LNX2: variants seen among roughly 807,000 people sequenced by gnomAD.
The protein encoded by LNX2 is ligand of numb-protein X 2, also known as ligand of Numb protein X 2.
Under a neutral mutation model 66.2 loss-of-function variants are expected in LNX2, and 35 were observed. The observed-to-expected ratio is 0.53, with a 90% CI of 0.40 to 0.70. LNX2 has a LOEUF of 0.70. Among genes scored for constraint, LNX2 ranks in the 30% least tolerant of loss-of-function variants. The pLI is 0.00. For synonymous variants in LNX2, 337 were observed against 315.6 expected (o/e 1.07, Z -0.72); for missense variants, 791 against 850.8 (o/e 0.93, Z 0.87).
intron 1 of LNX2, among the ~76,000 whole-genome samples, chr13:27,616,275 T>C (rs1267810271): frequency 3.3e-5 from 5 of 152,088 alleles, no homozygotes; most frequent in African/African-American, 1.2e-4. Flanking sequence ...TCTAAAGCCC[T>C]GGGATCAACA....
chr13:27,549,690 C>T (rs2138306307), intron 9 of LNX2, among the ~76,000 whole-genome samples: 1 of 152,332 alleles, frequency 6.6e-6, no homozygotes, highest in Admixed American at 6.5e-5. Context: ...CAGCACTTAG[C>T]ACCGCGCCAG....
chr13:27,559,811 T>C (rs769352897), intron 6 of LNX2, 31 bp downstream of exon 6: 10 of 1,492,436 alleles, frequency 6.7e-6, no homozygotes, highest in African/African-American at 4.3e-5. Flanking sequence ...GATCCTTTGA[T>C]GGTGGCATAA....
At chr13:27,552,109 C>T (rs1955014900) in intron 8 of LNX2, among the ~76,000 whole-genome samples, 1 of 152,176 alleles carries the variant, frequency 6.6e-6, no homozygotes, top group Admixed American at 6.5e-5. Context: ...CATCTAAAAT[C>T]TTTGCTATTA....
chr13:27,556,297 G>A lies in LNX2; in HGVS notation c.1485C>T (p.Pro495=), dbSNP rs1268193949. The A allele has an allele frequency of 6.2e-7, 1 of 1,613,854 alleles. No homozygotes were observed. The highest frequency in any genetic ancestry group is 2.2e-5 in the East Asian group (1 of 44,876). ...GGGGTGGCACACTGGTCACAAAGAT[G>A]GGCAGCTCACCACTCTTACTTCCCC... ...GGRGSKSGEL[P]IFVTSVPPHG... The change falls in exon 7 of 10, where the codon CCC becomes CCT. Residue 495 remains proline (P), a synonymous_variant. Transcript: ENST00000316334.
At chr13:27,609,777 T>G (rs190194484) in intron 1 of LNX2, among the ~76,000 whole-genome samples, 1 of 152,264 alleles carries the variant, frequency 6.6e-6, no homozygotes, top group Non-Finnish European at 1.5e-5. Flanking sequence ...TTTCAAAAAA[T>G]AGGTACTATA....
At chr13:27,573,678 T>G (rs546656698) in intron 2 of LNX2, among the ~76,000 whole-genome samples, 219 of 152,198 alleles carry the variant, frequency 1.4e-3, no homozygotes, top group South Asian at 2.9e-3. Flanking sequence ...GGGAGATTTT[T>G]TTAATCTCAG....
chr13:27,557,281 C>G (rs182904072), intron 6 of LNX2, among the ~76,000 whole-genome samples: 81 of 152,148 alleles, frequency 5.3e-4, no homozygotes, highest in African/African-American at 1.9e-3. Flanking sequence ...CCCCATTTTA[C>G]AGATGATGAA....
At chr13:27,569,827 G>C (rs1955255852) in intron 2 of LNX2, among the ~76,000 whole-genome samples, 1 of 152,102 alleles carries the variant, frequency 6.6e-6, no homozygotes, top group Non-Finnish European at 1.5e-5. Flanking sequence ...TTTATTTTAT[G>C]ATAGACATGG....
At chr13:27,617,028 G>A (rs914283466) in intron 1 of LNX2, among the ~76,000 whole-genome samples, 3 of 152,206 alleles carry the variant, frequency 2.0e-5, no homozygotes, top group African/African-American at 4.8e-5. Flanking sequence ...AATTATAAGC[G>A]TGAGTCACTG....
intron 7 of LNX2, among the ~76,000 whole-genome samples, chr13:27,553,835 C>T (rs1479695745): frequency 6.6e-6 from 1 of 152,124 alleles, no homozygotes; most frequent in African/African-American, 2.4e-5. Context: ...AGAAATAAAT[C>T]TTTAATGTAT....
At chr13:27,557,902 C>T (rs576533055) in intron 6 of LNX2, among the ~76,000 whole-genome samples, 1 of 152,160 alleles carries the variant, frequency 6.6e-6, no homozygotes, top group East Asian at 1.9e-4. Context: ...ATTCTGAAGA[C>T]AACTCAGGTA....
In LNX2 at chr13:27,620,485, T is replaced by TCCGCC. The variant is rs572623841; in HGVS notation, c.-216_-212dup. 6.8e-4 allele frequency: 117 copies of TCCGCC among 171,808 alleles called. 2 individuals are homozygous for TCCGCC. The East Asian group carries it at 0.018, about 27-fold the overall frequency. The allele number at this position is 171,808 out of a possible 1,614,324, so 10.6% of individuals were successfully genotyped here. A position where few individuals can be genotyped will look rare whatever the true frequency, so the allele number is the denominator to read the frequency against. ...GAGCGGAGAGCCTGCCCGGCTCCGC[T>TCCGCC]CCGCCAGGAATCGCCGCCGCCGCCG... On this transcript the variant is annotated 5_prime_UTR_variant, in exon 1 of 10. Transcript: ENST00000316334.
chr13:27,581,681 A>T lies in LNX2; in HGVS notation c.23T>A (p.Met8Lys), dbSNP rs1250386406. The T allele has an allele frequency of 1.9e-6, 3 of 1,607,444 alleles. No individual in the cohort carries two copies. Among genetic ancestry groups the T allele is most frequent in the South Asian group, 2.2e-5 (2 of 90,004 alleles). ...GGAGGAGGTCTGTTCCACAGACACC[A>T]TCTCATCACTTGTTGTTCCCATTTT... MGTTSDE[M>K]VSVEQTSSSS... is the part of the protein sequence containing the mutation. Residue 8 changes from methionine to lysine, a missense_variant, in exon 2 of 10, where the codon ATG becomes AAG. Physicochemically the swap from Met to Lys is moderately conservative, Grantham distance 95. Transcript: ENST00000316334.
At chr13:27,579,859 G>A (rs147077715) in intron 2 of LNX2, among the ~76,000 whole-genome samples, 1 of 152,230 alleles carries the variant, frequency 6.6e-6, no homozygotes, top group East Asian at 1.9e-4. Context: ...TTTCCAGGAG[G>A]CCTCTGCCAT....
At chr13:27,586,787 T>C (rs1955491815) in intron 1 of LNX2, among the ~76,000 whole-genome samples, 1 of 152,200 alleles carries the variant, frequency 6.6e-6, no homozygotes, top group African/African-American at 2.4e-5. Context: ...GTATAATCTA[T>C]TTAACAGTAT....
Position 27,583,233 on chromosome 13 carries a change from TGTGTGTGTGTGTGTGTGTGTGTGC to T in LNX2, c.-100-1454_-100-1431del, listed in dbSNP as rs1566124796. On this transcript the variant is annotated intron_variant, in intron 1 of 9. Coordinates refer to ENST00000316334, the MANE Select transcript of LNX2 (RefSeq NM_153371.4). The stretch of plus-strand genomic sequence containing the variant: ...GTGTGTGTGTGTGTGTGTGTGTGTG[TGTGTGTGTGTGTGTGTGTGTGTGC>T]GCGCGTCCTCTCCAACATACTTATT... Among the ~76,000 whole-genome samples the T allele has an allele frequency of 3.0e-4, 5 of 16,630 alleles. 1 individual carries two copies. The highest frequency in any genetic ancestry group is 1.0e-3 in the African/African-American group (5 of 4,776). The allele number at this position is 16,630 out of a possible 152,430, so 10.9% of individuals were successfully genotyped here. A position where few individuals can be genotyped will look rare whatever the true frequency, so the allele number is the denominator to read the frequency against.
In LNX2 at chr13:27,548,470, C is replaced by T. The variant is rs762961260; in HGVS notation, c.1938G>A (p.Lys646=). The T allele has an allele frequency of 3.7e-5, 59 of 1,612,058 alleles. No individual in the cohort carries two copies. The highest frequency in any genetic ancestry group is 1.1e-4 in the East Asian group (5 of 44,868). The change falls in exon 10 of 10, where the codon AAG becomes AAA. Residue 646 remains lysine, a splice_region_variant and synonymous_variant. Transcript: ENST00000316334. ...TTACGGCCACAATCATGTCACCACA[C>T]CTGGACAAAGAGAGACAGATACAGA... is the stretch of plus-strand genomic sequence containing the variant. ...GTPAYYDGRL[K]CGDMIVAVNG...
At chr13:27,604,253 A>T (rs1955690722) in intron 1 of LNX2, among the ~76,000 whole-genome samples, 1 of 152,212 alleles carries the variant, frequency 6.6e-6, no homozygotes, top group Non-Finnish European at 1.5e-5. Context: ...CTCAAAAATC[A>T]CAGTATAAAA....
intron 1 of LNX2, among the ~76,000 whole-genome samples, chr13:27,584,130 C>T (rs1038836167): frequency 2.0e-5 from 3 of 152,154 alleles, no homozygotes; most frequent in Non-Finnish European, 4.4e-5. Context: ...AGCGTGCCTG[C>T]CACAAGAACC....
Sources: allele counts gnomAD v4.1 joint callset (sites outside exome capture counted in the v4.1 genomes callset), GRCh38; gene constraint gnomAD v4.1.1; transcripts MANE v1.5; gene names NCBI Gene and HGNC (gene_info 2026-07-23, HGNC 2026-07-21).